The following OR10J1 variants were observed in gnomAD, a reference collection of about 807,000 sequenced individuals.
The protein encoded by OR10J1 is olfactory receptor 10J1.
For synonymous variants in OR10J1, 202 were observed against 143.8 expected, an observed-to-expected ratio of 1.40 and a Z score of -2.89; for missense variants, 474 against 376.6, an observed-to-expected ratio of 1.26 and a Z score of -2.14.
the OR10J1 span, among the ~76,000 whole-genome samples, chr1:159,412,977 A>C: frequency 6.6e-6 from 1 of 152,132 alleles, no homozygotes; most frequent in Admixed American, 6.5e-5. Context: ...CAATGAACTC[A>C]AACAAATTTA....
At chr1:159,411,838 G>A in the OR10J1 span, among the ~76,000 whole-genome samples, 1 of 152,016 alleles carries the variant, frequency 6.6e-6, no homozygotes, top group Non-Finnish European at 1.5e-5. Context: ...TCTGGCCAGG[G>A]CAGTTAGGCA....
the OR10J1 span, among the ~76,000 whole-genome samples, chr1:159,431,160 C>T: frequency 2.0e-5 from 3 of 152,172 alleles, no homozygotes; most frequent in Non-Finnish European, 4.4e-5. Context: ...GAAAGCAGGA[C>T]TGAAAAGAGA....
chr1:159,409,080 G>C, the OR10J1 span, among the ~76,000 whole-genome samples: 1 of 152,072 alleles, frequency 6.6e-6, no homozygotes, highest in African/African-American at 2.4e-5. Context: ...AGCTGAATGA[G>C]CCTATATTGC....
the OR10J1 span, among the ~76,000 whole-genome samples, chr1:159,428,559 G>A: frequency 3.3e-5 from 5 of 152,194 alleles, no homozygotes; most frequent in Admixed American, 2.0e-4. Flanking sequence ...TCAAGGTCTC[G>A]ATAAGACTTG....
At chr1:159,405,864 A>G in the OR10J1 span, 1 of 741,694 alleles carries the variant, frequency 1.3e-6, no homozygotes, top group Non-Finnish European at 2.3e-6. Flanking sequence ...TGACAAAGTC[A>G]TCACAAAAGG....
chr1:159,440,285 G>A lies in OR10J1; in HGVS notation c.494G>A (p.Arg165Lys), dbSNP rs1196823156. The A allele has an allele frequency of 2.5e-6, 4 of 1,614,142 alleles. No homozygotes were observed. Among genetic ancestry groups the A allele is most frequent in the Non-Finnish European group, 8.5e-7 (1 of 1,180,016 alleles). The change falls in exon 1 of 1, where the codon AGG becomes AAG. Residue 165 changes from arginine to lysine, a missense_variant. Coordinates refer to ENST00000423932, the MANE Select transcript of OR10J1 (RefSeq NM_012351.3). ...ATAACGCAAGTGACATCTGTATTCA[G>A]GTTACCCTTCTGTGCTAGAAAGGTG... The part of the protein sequence containing the change: ...VAITQVTSVF[R>K]LPFCARKVPH...
the OR10J1 span, among the ~76,000 whole-genome samples, chr1:159,413,402 T>C: frequency 1.1e-3 from 162 of 151,820 alleles, 3 homozygotes; most frequent in East Asian, 0.016. Context: ...ATGTTTATTG[T>C]GGCACTATTC....
chr1:159,437,707 C>G (rs1655776637), upstream of OR10J1: 1 of 152,174 alleles, frequency 6.6e-6, no homozygotes, highest in Admixed American at 6.5e-5. Context: ...CTCCCAGCCC[C>G]AGGGGGGTGG....
chr1:159,414,822 T>C, the OR10J1 span, among the ~76,000 whole-genome samples: 4 of 152,164 alleles, frequency 2.6e-5, no homozygotes, highest in African/African-American at 7.2e-5. Flanking sequence ...TGAATTTCCC[T>C]GATGATTAGT....
Position 159,440,583 on chromosome 1 carries a change from G to A in OR10J1, c.792G>A (p.Glu264=), listed in dbSNP as rs1429190492. The stretch of plus-strand genomic sequence containing the variant: ...TTGCCTACCTCAAGCCCAAGTCAGA[G>A]AACACCAGAGAACATGACCAGCTGA... The part of the protein sequence containing the change: ...ASIAYLKPKS[E]NTREHDQLIS... The change falls in exon 1 of 1, where the codon GAG becomes GAA. Residue 264 remains glutamate, a synonymous_variant. Coordinates refer to ENST00000423932, the MANE Select transcript of OR10J1 (RefSeq NM_012351.3). The A allele has an allele frequency of 6.2e-7, 1 of 1,613,768 alleles. No individual in the cohort carries two copies. The highest frequency in any genetic ancestry group is 1.7e-5 in the Admixed American group (1 of 59,976).
At chr1:159,430,958 A>G in the OR10J1 span, among the ~76,000 whole-genome samples, 1 of 152,166 alleles carries the variant, frequency 6.6e-6, no homozygotes, top group African/African-American at 2.4e-5. Context: ...GGTTAAAGCC[A>G]GAGATTATTA....
At chr1:159,399,034 C>A in the OR10J1 span, among the ~76,000 whole-genome samples, 1 of 148,978 alleles carries the variant, frequency 6.7e-6, no homozygotes, top group Non-Finnish European at 1.5e-5. Context: ...ATACTAAAAG[C>A]AGTCAGAGAA....
chr1:159,398,773 A>G, the OR10J1 span, among the ~76,000 whole-genome samples: 1 of 152,236 alleles, frequency 6.6e-6, no homozygotes, highest in Non-Finnish European at 1.5e-5. Context: ...TCTAGAAAAT[A>G]GTCTCAAAAA....
chr1:159,399,610 G>T, the OR10J1 span, among the ~76,000 whole-genome samples: 1 of 149,370 alleles, frequency 6.7e-6, no homozygotes, highest in Non-Finnish European at 1.5e-5. Context: ...AAATGCTGAA[G>T]GGAGTATTTC....
At chr1:159,397,611 G>A in the OR10J1 span, among the ~76,000 whole-genome samples, 6 of 152,092 alleles carry the variant, frequency 3.9e-5, no homozygotes, top group Admixed American at 3.9e-4. Flanking sequence ...TGGTAGTCTG[G>A]CAGTACTCCT....
At chr1:159,409,342 C>T in the OR10J1 span, among the ~76,000 whole-genome samples, 1 of 152,070 alleles carries the variant, frequency 6.6e-6, no homozygotes, top group Non-Finnish European at 1.5e-5. Context: ...CCGATTAAAC[C>T]CATCTCCGCT....
upstream of OR10J1, among the ~76,000 whole-genome samples, chr1:159,435,504 T>C (rs1192566315): frequency 6.6e-6 from 1 of 152,236 alleles, no homozygotes; most frequent in African/African-American, 2.4e-5. Flanking sequence ...ACTATTATTA[T>C]CCAAATATTA....
chr1:159,405,976 G>A, the OR10J1 span: 23 of 457,920 alleles, frequency 5.0e-5, no homozygotes, highest in Middle Eastern at 3.9e-4. Flanking sequence ...TATGAATACC[G>A]TAAGGGGTTG....
upstream of OR10J1, chr1:159,437,776 G>A (rs1254820599): frequency 5.9e-5 from 9 of 152,320 alleles, no homozygotes; most frequent in African/African-American, 2.2e-4. Flanking sequence ...TCCTGGGAGA[G>A]CATCTCCTCT....
Sources: gnomAD v4.1 joint callset for allele counts (sites outside exome capture counted in the v4.1 genomes callset) on GRCh38, gnomAD v4.1.1 for gene constraint, MANE v1.5 for transcripts, NCBI Gene and HGNC (gene_info 2026-07-23, HGNC 2026-07-21) for gene names.